The following VLDLR variants were observed in gnomAD, a reference collection of about 807,000 sequenced individuals.
VLDLR encodes very low-density lipoprotein receptor.
A neutral mutation model predicts 112.7 loss-of-function variants in VLDLR; 81 were observed. The ratio of observed to expected loss-of-function variants is 0.72; its 90% confidence interval spans 0.60 to 0.86. The LOEUF (loss-of-function observed/expected upper bound fraction) is 0.86, where lower values mean the gene tolerates loss of function less well. Among genes scored for constraint, VLDLR ranks in the 40% least tolerant of loss-of-function variants. The probability of loss-of-function intolerance (pLI) is 0.00; values close to 1 mark genes in which losing one functional copy is unlikely to be tolerated. For synonymous variants in VLDLR, 436 were observed against 384.8 expected (o/e 1.13, Z -1.56); for missense variants, 1,237 against 1,099.4 (o/e 1.13, Z -1.77).
In VLDLR at chr9:2,643,189, A is replaced by G; in HGVS notation, c.478A>G (p.Thr160Ala). ...TATAACATGTAGTCCCGACGAGTTC[A>G]CCTGCTCCAGTGGCCGCTGCATCTC... ...GNITCSPDEF[T>A]CSSGRCISRN... Residue 160 changes from threonine (T) to alanine (A), a missense_variant, in exon 5 of 19, where the codon ACC (threonine) becomes GCC (alanine). Thr to Ala is a moderately conservative substitution (Grantham distance 58). Transcript: ENST00000382100. The G allele has an allele frequency of 6.2e-7, 1 of 1,613,512 alleles. No individual in the cohort carries two copies. Among genetic ancestry groups the G allele is most frequent in the East Asian group, 2.2e-5 (1 of 44,888 alleles).
chr9:2,631,416 G>C (rs150831371), intron 1 of VLDLR, among the ~76,000 whole-genome samples: 61 of 152,184 alleles, frequency 4.0e-4, no homozygotes, highest in Non-Finnish European at 7.4e-4. Context: ...CAACCTAAAT[G>C]CCCATCAATA....
At position 2,651,463 on chromosome 9, in the gene VLDLR, C is replaced by T. The variant is rs779423096; in HGVS notation, c.2300C>T (p.Thr767Ile). 4 of 1,613,978 alleles carry T rather than the reference C, an allele frequency of 2.5e-6. No individual in the cohort carries two copies. The highest frequency in any genetic ancestry group is 2.2e-5 in the South Asian group (2 of 91,078). The change falls in exon 16 of 19, where the codon ACA becomes ATA. Residue 767 changes from threonine (T) to isoleucine (I), a missense_variant. Transcript: ENST00000382100. ...AGTGAGACAAAAGATACGAACACAA[C>T]AGAAATTTCAGCAACTAGTGGACTA... ...TYSETKDTNT[T>I]EISATSGLVP...
chr9:2,646,183 C>A, intron 10 of VLDLR, 151 bp from the exon 11 acceptor site: 1 of 743,566 alleles, frequency 1.3e-6, no homozygotes, highest in South Asian at 1.6e-5. Flanking sequence ...GATCAGTAAG[C>A]AGCATGGTTA....
chr9:2,651,513 A>T lies in VLDLR; in HGVS notation c.2335+15A>T, dbSNP rs1232086439. 6.2e-7 allele frequency: 1 copy of T among 1,603,872 alleles called. No individual in the cohort carries two copies. The highest frequency in any genetic ancestry group is 1.1e-5 in the South Asian group (1 of 90,804). On this transcript the variant is annotated intron_variant, in intron 16 of 18. Coordinates refer to ENST00000382100, the MANE Select transcript of VLDLR (RefSeq NM_003383.5). Reference sequence around the variant, plus strand: ...AGTTCCTGGAGGTATTGAGTTCAGTACTGCAAACTGTTAATCTCAACTAAC... The same window carrying T: ...AGTTCCTGGAGGTATTGAGTTCAGTTCTGCAAACTGTTAATCTCAACTAAC...
At position 2,622,331 on chromosome 9, in the gene VLDLR, C is replaced by T. The variant is rs1264453363; in HGVS notation, c.82+60C>T. 4 of 1,379,764 alleles carry T rather than the reference C, an allele frequency of 2.9e-6. No individual in the cohort carries two copies. The Admixed American group carries it at 1.2e-4, about 43-fold the overall frequency. 85.5% of individuals were successfully genotyped at this position (1,379,764 alleles called of 1,614,324 possible). A position where few individuals can be genotyped will look rare whatever the true frequency, so the allele number is the denominator to read the frequency against. ...GACCCAGCCGGGGCACCGGGAGACCCCGAGGCGTAGGTCTCCGTTTGCCCA... is the reference window on the plus strand; with the variant it reads ...GACCCAGCCGGGGCACCGGGAGACCTCGAGGCGTAGGTCTCCGTTTGCCCA... On this transcript the variant is annotated intron_variant, in intron 1 of 18. Transcript: ENST00000382100.
In VLDLR at chr9:2,647,538, G is replaced by A. The variant is rs115419789; in HGVS notation, c.1768G>A (p.Asp590Asn). The A allele has an allele frequency of 4.3e-6, 7 of 1,614,032 alleles. No individual in the cohort carries two copies. Among genetic ancestry groups the A allele is most frequent in the East Asian group, 2.2e-5 (1 of 44,896 alleles). Residue 590 changes from aspartate to asparagine, a missense_variant, in exon 12 of 19, where the codon GAT becomes AAT. Asp to Asn is a conservative substitution (Grantham distance 23, BLOSUM62 1). Transcript: ENST00000382100. ...KIEKAGMNGF[D>N]RRPLVTADIQ... ...AGAAAAAGCAGGAATGAATGGATTC[G>A]ATAGACGTCCACTGGTGACAGCGGA...
At chr9:2,641,682 C>T (rs1817831955) in intron 4 of VLDLR, among the ~76,000 whole-genome samples, 183 bp downstream of exon 4, 1 of 152,094 alleles carries the variant, frequency 6.6e-6, no homozygotes, top group Non-Finnish European at 1.5e-5. Flanking sequence ...ATTCATGTGG[C>T]AATTGACCAT....
intron 4 of VLDLR, among the ~76,000 whole-genome samples, chr9:2,642,580 A>G (rs552419932): frequency 2.0e-5 from 3 of 152,324 alleles, no homozygotes; most frequent in South Asian, 2.1e-4. Context: ...CTAGCTTATC[A>G]TTGTCAGCAT....
chr9:2,646,275 A>G lies in VLDLR; in HGVS notation c.1485-59A>G. 5 of 1,570,318 alleles carry G rather than the reference A, an allele frequency of 3.2e-6. 1 individual carries two copies. The South Asian group carries it at 3.3e-5, about 10-fold the overall frequency. ...TGACCATTTTGTAAGCAAAAAGTCCATTCTCCAAGCTCTAATTGTGTCAAA... is the reference window on the plus strand; with the variant it reads ...TGACCATTTTGTAAGCAAAAAGTCCGTTCTCCAAGCTCTAATTGTGTCAAA... On this transcript the variant is annotated intron_variant, in intron 10 of 18. Transcript: ENST00000382100.
intron 6 of VLDLR, 43 bp downstream of exon 6, chr9:2,643,793 C>T: frequency 6.2e-7 from 1 of 1,614,174 alleles, no homozygotes; most frequent in Non-Finnish European, 8.5e-7. Flanking sequence ...ATTGCTCTGA[C>T]CAGACCCACT....
At position 2,639,762 on chromosome 9, in the gene VLDLR, A is replaced by C. The variant is rs184225010; in HGVS notation, c.203-97A>C. ...GTGCCCATTGACTCAGCTTTTTTTT[A>C]GAGCAAAACATGCCAAAATGCAGTA... On this transcript the variant is annotated intron_variant, in intron 2 of 18. Coordinates refer to ENST00000382100, the MANE Select transcript of VLDLR (RefSeq NM_003383.5). 4.4e-5 allele frequency: 70 copies of C among 1,591,474 alleles called. 1 individual carries two copies. The East Asian group carries it at 1.4e-3, about 32-fold the overall frequency.
intron 1 of VLDLR, among the ~76,000 whole-genome samples, chr9:2,633,570 G>A (rs987308026): frequency 3.3e-5 from 5 of 151,966 alleles, no homozygotes; most frequent in African/African-American, 1.2e-4. Flanking sequence ...CAATGTCAAT[G>A]TTGTTGTCTC....
chr9:2,657,368 A>G lies in VLDLR; in HGVS notation c.*3500A>G, dbSNP rs1003493833. The G allele has an allele frequency of 2.0e-5, 3 of 152,358 alleles. No homozygotes were observed. The highest frequency in any genetic ancestry group is 2.9e-5 in the Non-Finnish European group (2 of 68,036). 9.4% of individuals were successfully genotyped at this position (152,358 alleles called of 1,614,324 possible). A position where few individuals can be genotyped will look rare whatever the true frequency, so the allele number is the denominator to read the frequency against. ...TTTAAGTTGAAGTACTATGAATACA[A>G]CCTGCTAATCTTGATCCCCAAATCT... On this transcript the variant is annotated 3_prime_UTR_variant, in exon 19 of 19. Coordinates refer to ENST00000382100, the MANE Select transcript of VLDLR (RefSeq NM_003383.5).
At chr9:2,623,522 T>C (rs1489600444) in intron 1 of VLDLR, among the ~76,000 whole-genome samples, 3 of 152,206 alleles carry the variant, frequency 2.0e-5, no homozygotes, top group South Asian at 2.1e-4. Flanking sequence ...CTTTAAAGCA[T>C]GTGGTCAAGG....
In VLDLR at chr9:2,654,383, A is replaced by G. The variant is rs1057324468; in HGVS notation, c.*515A>G. Reference sequence around the variant, plus strand: ...TTATAAACTAATTTTGTACGTATGAATGATATCTTTGACCTCAATGGAGGT... The same window carrying G: ...TTATAAACTAATTTTGTACGTATGAGTGATATCTTTGACCTCAATGGAGGT... On this transcript the variant is annotated 3_prime_UTR_variant, in exon 19 of 19. Coordinates refer to ENST00000382100, the MANE Select transcript of VLDLR (RefSeq NM_003383.5). The G allele has an allele frequency of 1.2e-5, 2 of 163,472 alleles. No homozygotes were observed. The highest frequency in any genetic ancestry group is 2.7e-5 in the Non-Finnish European group (2 of 73,928). 10.1% of individuals were successfully genotyped at this position (163,472 alleles called of 1,614,324 possible). A position where few individuals can be genotyped will look rare whatever the true frequency, so the allele number is the denominator to read the frequency against.
At chr9:2,626,740 G>A (rs1193330318) in intron 1 of VLDLR, among the ~76,000 whole-genome samples, 3 of 151,998 alleles carry the variant, frequency 2.0e-5, no homozygotes, top group Admixed American at 2.0e-4. Context: ...TGGGGATGGG[G>A]GGACTTGCAA....
intron 1 of VLDLR, among the ~76,000 whole-genome samples, chr9:2,626,807 A>G (rs1211136379): frequency 1.1e-5 from 1 of 94,208 alleles, no homozygotes; most frequent in Non-Finnish European, 2.2e-5. Flanking sequence ...TGTGAGTTAC[A>G]TCACAAGTTT....
In VLDLR at chr9:2,621,838, C is replaced by A. The variant is rs1013455218; in HGVS notation, c.-352C>A. On this transcript the variant is annotated 5_prime_UTR_variant, in exon 1 of 19. Transcript: ENST00000382100. ...CGGGTGCTCCGCTACCGGCTCCTCT[C>A]CGTTCTGTGCTCTCTTCTGCTCTCG... The A allele has an allele frequency of 3.8e-6, 2 of 531,092 alleles. No homozygotes were observed. Among genetic ancestry groups the A allele is most frequent in the South Asian group, 3.1e-5 (2 of 64,266 alleles). 32.9% of individuals were successfully genotyped at this position (531,092 alleles called of 1,614,324 possible). A position where few individuals can be genotyped will look rare whatever the true frequency, so the allele number is the denominator to read the frequency against.
Position 2,654,173 on chromosome 9 carries a change from C to G in VLDLR, c.*305C>G, listed in dbSNP as rs1818494483. Reference sequence around the variant, plus strand: ...AGAAAGCCATATTCCAGCAGTGAAACTTGTGCTATAGTGTATACCACCTGT... The same window carrying G: ...AGAAAGCCATATTCCAGCAGTGAAAGTTGTGCTATAGTGTATACCACCTGT... On this transcript the variant is annotated 3_prime_UTR_variant, in exon 19 of 19. Transcript: ENST00000382100. The G allele has an allele frequency of 7.2e-6, 3 of 419,066 alleles. No homozygotes were observed. The East Asian group carries it at 1.6e-4, about 22-fold the overall frequency. 26.0% of individuals were successfully genotyped at this position (419,066 alleles called of 1,614,324 possible). A position where few individuals can be genotyped will look rare whatever the true frequency, so the allele number is the denominator to read the frequency against.
Sources: allele counts gnomAD v4.1 joint callset (sites outside exome capture counted in the v4.1 genomes callset), GRCh38; gene constraint gnomAD v4.1.1; transcripts MANE v1.5; gene names NCBI Gene and HGNC (gene_info 2026-07-23, HGNC 2026-07-21).